The following ZNF264 variants were observed in gnomAD, a reference collection of about 807,000 sequenced individuals.
The protein encoded by ZNF264 is zinc finger protein 264.
In ZNF264, 11 loss-of-function variants were observed where a neutral mutation model predicts 11.2. The observed-to-expected ratio is 0.98, with a 90% CI of 0.62 to 1.63. ZNF264 has a LOEUF of 1.63. ZNF264 is among the 40% of genes most tolerant of loss of function. The probability of loss-of-function intolerance (pLI) is 0.00; values close to 1 mark genes in which losing one functional copy is unlikely to be tolerated. For synonymous variants in ZNF264, 309 were observed against 279.8 expected, an observed-to-expected ratio of 1.10 and a Z score of -1.04; for missense variants, 752 against 768.1, an observed-to-expected ratio of 0.98 and a Z score of 0.25.
rs773684762 is a variant in ZNF264 at position 57,211,972 on chromosome 19, G to A, written c.875G>A (p.Cys292Tyr). The change falls in exon 4 of 4, where the codon TGC becomes TAC. Residue 292 changes from cysteine to tyrosine, a missense_variant. Physicochemically the swap from Cys to Tyr is radical, Grantham distance 194 (BLOSUM62 -2). Transcript: ENST00000263095. ...GAGAAGCCTTACAAGTGCAATGAAT[G>A]CGGAAAGGCCTTCACCCACCGCTCC... Reference protein sequence around the residue: ...SGEKPYKCNECGKAFTHRSNF... With the variant: ...SGEKPYKCNEYGKAFTHRSNF... 2 of 1,614,048 alleles carry A rather than the reference G, an allele frequency of 1.2e-6. No homozygotes were observed. The highest frequency in any genetic ancestry group is 1.1e-5 in the South Asian group (1 of 91,080).
intron 2 of ZNF264, among the ~76,000 whole-genome samples, chr19:57,200,387 C>G (rs377287255): frequency 6.7e-6 from 1 of 149,958 alleles, no homozygotes; most frequent in African/African-American, 2.5e-5. Flanking sequence ...GGGAGGATCA[C>G]TTGAGCCTAG....
Position 57,211,545 on chromosome 19 carries a change from T to TGAG in ZNF264, c.448_449insGAG (p.Ser150delinsTer). On this transcript the variant is annotated stop_gained, in exon 4 of 4. Transcript: ENST00000263095. LOFTEE classifies it low-confidence loss of function (END_TRUNC). ...ACCAGGAATAGATCCCCAGGAGAAG[T>TGAG]CTCCTGGGAAGATGAGCCCTGAATG... is the stretch of plus-strand genomic sequence containing the variant. 1 of 1,613,778 alleles carries TGAG rather than the reference T, an allele frequency of 6.2e-7. No individual in the cohort carries two copies. Among genetic ancestry groups the TGAG allele is most frequent in the South Asian group, 1.1e-5 (1 of 91,062 alleles).
intron 2 of ZNF264, among the ~76,000 whole-genome samples, chr19:57,196,874 G>A (rs2087215430): frequency 1.3e-5 from 2 of 151,886 alleles, no homozygotes; most frequent in African/African-American, 4.9e-5. Context: ...TACAGCCCAT[G>A]AATCAGTATA....
chr19:57,199,070 A>G (rs971367381), intron 2 of ZNF264, among the ~76,000 whole-genome samples: 5 of 151,914 alleles, frequency 3.3e-5, no homozygotes, highest in African/African-American at 9.7e-5. Context: ...TAATTAGCCA[A>G]CGCCAGAGAT....
intron 3 of ZNF264, among the ~76,000 whole-genome samples, chr19:57,209,657 G>C (rs970034082): frequency 6.6e-6 from 1 of 152,150 alleles, no homozygotes; most frequent in Non-Finnish European, 1.5e-5. Context: ...CTTTGCTGCA[G>C]TCTTGAATTT....
chr19:57,209,919 G>T (rs536141954), intron 3 of ZNF264, among the ~76,000 whole-genome samples: 1 of 152,004 alleles, frequency 6.6e-6, no homozygotes, highest in South Asian at 2.1e-4. Flanking sequence ...ATACACAGCA[G>T]CCTGGCCATT....
chr19:57,201,673 C>G lies in ZNF264; in HGVS notation c.161-3724C>G, dbSNP rs1041885308. Among the ~76,000 whole-genome samples the G allele has an allele frequency of 3.3e-5, 5 of 151,886 alleles. No homozygotes were observed. In the East Asian group the frequency reaches 9.6e-4, roughly 29 times the overall value. ...GCCAGCTGGGGAATTACTGCCCTTG[C>G]GTATCTAGACTGTGGCATCTTTAAA... is the stretch of plus-strand genomic sequence containing the variant. On this transcript the variant is annotated intron_variant, in intron 2 of 3. Transcript: ENST00000263095.
At chr19:57,206,473 C>T (rs1390442772) in intron 3 of ZNF264, among the ~76,000 whole-genome samples, 1 of 151,808 alleles carries the variant, frequency 6.6e-6, no homozygotes, top group African/African-American at 2.4e-5. Context: ...CTCCTGACCT[C>T]GTGATCCACC....
At position 57,213,206 on chromosome 19, in the gene ZNF264, T is replaced by C. The variant is rs944677117; in HGVS notation, c.*225T>C. ...AGGAGGGGACATAGAAAAAATGAAA[T>C]GCAAGCACACATCTTTTCAGGCTTC... On this transcript the variant is annotated 3_prime_UTR_variant, in exon 4 of 4. Transcript: ENST00000263095. The C allele has an allele frequency of 1.4e-5, 6 of 431,834 alleles. No individual in the cohort carries two copies. In the Admixed American group the frequency reaches 1.9e-4, roughly 14 times the overall value. The allele number at this position is 431,834 out of a possible 1,614,324, so 26.8% of individuals were successfully genotyped here. A position where few individuals can be genotyped will look rare whatever the true frequency, so the allele number is the denominator to read the frequency against.
intron 1 of ZNF264, 122 bp from the exon 2 acceptor site, chr19:57,193,753 C>T: frequency 7.2e-7 from 1 of 1,393,676 alleles, no homozygotes; most frequent in Non-Finnish European, 9.9e-7. Flanking sequence ...CAGAGCTAGG[C>T]CCTCAGGAGG....
chr19:57,194,237 T>A (rs992556354), intron 2 of ZNF264: 1 of 530,200 alleles, frequency 1.9e-6, no homozygotes, highest in Non-Finnish European at 3.1e-6. Flanking sequence ...GGAAATGGGG[T>A]GTTTTGCAAA....
rs2122769796 is a variant in ZNF264, at chr19:57,213,566, A to T, written c.*585A>T. 6.6e-6 allele frequency: 1 copy of T among 152,332 alleles called. No individual in the cohort carries two copies. The highest frequency in any genetic ancestry group is 3.4e-3 in the Middle Eastern group (1 of 294). 9.4% of individuals were successfully genotyped at this position (152,332 alleles called of 1,614,324 possible). On this transcript the variant is annotated 3_prime_UTR_variant, in exon 4 of 4. Transcript: ENST00000263095. ...TGGTTTACGTCATCATTGTAGCCAT[A>T]TGGTAAATTTTTATTTGTTAAATTT...
rs1349951019 is a variant in ZNF264 at position 57,191,946 on chromosome 19, G to C, written c.33G>C (p.Gln11His). Reference sequence around the variant, plus strand: ...CAGCGGTGCTGACGGACCGGGCCCAGGTGAGTGGACGGTGGCTTCGCGGTT... The same window carrying C: ...CAGCGGTGCTGACGGACCGGGCCCACGTGAGTGGACGGTGGCTTCGCGGTT... MAAAVLTDRA[Q>H]VSVTFDDVAV... Residue 11 changes from glutamine (Q) to histidine (H), a missense_variant and splice_region_variant, in exon 1 of 4, where the codon CAG (glutamine) becomes CAC (histidine). Gln to His is a conservative substitution (Grantham distance 24). Coordinates refer to ENST00000263095, the MANE Select transcript of ZNF264 (RefSeq NM_003417.5). The C allele has an allele frequency of 6.5e-7, 1 of 1,541,780 alleles. No individual in the cohort carries two copies. Among genetic ancestry groups the C allele is most frequent in the Non-Finnish European group, 8.8e-7 (1 of 1,142,662 alleles).
At chr19:57,200,969 T>C (rs1009946021) in intron 2 of ZNF264, among the ~76,000 whole-genome samples, 1 of 151,928 alleles carries the variant, frequency 6.6e-6, no homozygotes, top group African/African-American at 2.4e-5. Flanking sequence ...CTATATATAA[T>C]TACCATATAT....
intron 2 of ZNF264, among the ~76,000 whole-genome samples, chr19:57,201,422 G>T (rs1474625035): frequency 2.0e-5 from 3 of 151,966 alleles, no homozygotes; most frequent in Non-Finnish European, 2.9e-5. Flanking sequence ...TCTCTTACAG[G>T]ATGGGAAGAG....
chr19:57,202,427 C>T (rs757156273), intron 2 of ZNF264, among the ~76,000 whole-genome samples: 3 of 151,812 alleles, frequency 2.0e-5, no homozygotes, highest in Non-Finnish European at 2.9e-5. Flanking sequence ...TTTTGTCCAC[C>T]GTTCCTGATT....
chr19:57,208,230 T>C (rs543095235), intron 3 of ZNF264, among the ~76,000 whole-genome samples: 2 of 152,364 alleles, frequency 1.3e-5, no homozygotes, highest in South Asian at 4.1e-4. Context: ...ATTGATACAT[T>C]CATTTACTAT....
rs1159253446 is a variant in ZNF264 at position 57,215,009 on chromosome 19, T to C, written c.*2028T>C. ...TCCTCTAATTTATTGGCTAATAATG[T>C]GTAGTTCTTTTTTCTTTTGTTTCTT... On this transcript the variant is annotated 3_prime_UTR_variant, in exon 4 of 4. Coordinates refer to ENST00000263095, the MANE Select transcript of ZNF264 (RefSeq NM_003417.5). 1 of 152,222 alleles carries C rather than the reference T, an allele frequency of 6.6e-6. No homozygotes were observed. Among genetic ancestry groups the C allele is most frequent in the Non-Finnish European group, 1.5e-5 (1 of 68,038 alleles). The allele number at this position is 152,222 out of a possible 1,614,324, so 9.4% of individuals were successfully genotyped here. A position where few individuals can be genotyped will look rare whatever the true frequency, so the allele number is the denominator to read the frequency against.
chr19:57,213,139 A>G lies in ZNF264; in HGVS notation c.*158A>G. 1 of 621,044 alleles carries G rather than the reference A, an allele frequency of 1.6e-6. No homozygotes were observed. Among genetic ancestry groups the G allele is most frequent in the South Asian group, 3.5e-5 (1 of 28,858 alleles). 38.5% of individuals were successfully genotyped at this position (621,044 alleles called of 1,614,324 possible). A position where few individuals can be genotyped will look rare whatever the true frequency, so the allele number is the denominator to read the frequency against. On this transcript the variant is annotated 3_prime_UTR_variant, in exon 4 of 4. Coordinates refer to ENST00000263095, the MANE Select transcript of ZNF264 (RefSeq NM_003417.5). ...AACCTTCAGCTGCATCTTTCTCCTT[A>G]GTTTACAGTGCAATTTTATCTCAGG...
Sources: gnomAD v4.1 joint callset for allele counts (sites outside exome capture counted in the v4.1 genomes callset) on GRCh38, gnomAD v4.1.1 for gene constraint, MANE v1.5 for transcripts, NCBI Gene and HGNC (gene_info 2026-07-23, HGNC 2026-07-21) for gene names.